The following DYNC2H1 variants were observed in gnomAD, a reference collection of about 807,000 sequenced individuals.
DYNC2H1 encodes the protein dynein cytoplasmic 2 heavy chain 1.
A neutral mutation model predicts 570.0 loss-of-function variants in DYNC2H1; 410 were observed. The ratio of observed to expected loss-of-function variants is 0.72; its 90% CI spans 0.66 to 0.78. DYNC2H1 has a LOEUF of 0.78. Ranked by LOEUF, DYNC2H1 falls within the 30% of genes least tolerant of loss-of-function variation. The pLI, the probability that DYNC2H1 is intolerant of heterozygous loss-of-function variation, is 0.00. For synonymous variants in DYNC2H1, 1,688 were observed against 1,677.6 expected, an observed-to-expected ratio of 1.01 and a Z score of -0.15; for missense variants, 4,865 against 5,046.4, an observed-to-expected ratio of 0.96 and a Z score of 1.09.
Position 103,347,779 on chromosome 11 carries a change from G to A in DYNC2H1, c.12040-10464G>A, listed in dbSNP as rs530578958. Among the ~76,000 whole-genome samples the A allele has an allele frequency of 6.6e-5, 10 of 152,110 alleles. No homozygotes were observed. In the South Asian group the frequency reaches 1.5e-3, roughly 22 times the overall value. On this transcript the variant is annotated intron_variant, in intron 82 of 88. Transcript: ENST00000375735. ...GCACTTTTCTCCAAAAAAGTCTTGCGGGGGAGGCAGCATCCCCTATTACTG... is the reference window on the plus strand; with the variant it reads ...GCACTTTTCTCCAAAAAAGTCTTGCAGGGGAGGCAGCATCCCCTATTACTG...
intron 11 of DYNC2H1, among the ~76,000 whole-genome samples, chr11:103,124,251 A>G (rs2134729658): frequency 6.6e-6 from 1 of 152,078 alleles, no homozygotes; most frequent in East Asian, 1.9e-4. Flanking sequence ...GTTTGAGACC[A>G]GCCTGAGCAA....
intron 84 of DYNC2H1, among the ~76,000 whole-genome samples, chr11:103,414,704 G>A (rs943477579): frequency 9.2e-5 from 14 of 152,196 alleles, no homozygotes; most frequent in African/African-American, 3.1e-4. Flanking sequence ...CAAAATCAGT[G>A]TGCAAAATTC....
Position 103,465,624 on chromosome 11 carries a change from G to C in DYNC2H1, c.12649-2965G>C, listed in dbSNP as rs1945173272. Among the ~76,000 whole-genome samples, 1 of 152,112 alleles carries C rather than the reference G, an allele frequency of 6.6e-6. No individual in the cohort carries two copies. Among genetic ancestry groups the C allele is most frequent in the Non-Finnish European group, 1.5e-5 (1 of 68,020 alleles). On this transcript the variant is annotated intron_variant, in intron 87 of 88. Coordinates refer to ENST00000375735, the MANE Select transcript of DYNC2H1 (RefSeq NM_001377.3). The surrounding 1 kb of genome is among the most constrained non-coding windows in gnomAD (Gnocchi z 4.9). ...CCCACTCTGCATCTGCATTCGGCTA[G>C]ATCAGTTAGAAGGGAAGGTCCATGC...
At chr11:103,184,734 T>C (rs1366303845) in intron 40 of DYNC2H1, among the ~76,000 whole-genome samples, 162 bp from the exon 41 acceptor site, 1 of 151,972 alleles carries the variant, frequency 6.6e-6, no homozygotes, top group Admixed American at 6.6e-5. Flanking sequence ...TTTCAAAGTA[T>C]ATATAAAAAT....
rs1325304956 is a variant in DYNC2H1, at chr11:103,128,895, A to T, written c.1858-15A>T. 2 of 1,536,954 alleles carry T rather than the reference A, an allele frequency of 1.3e-6. No individual in the cohort carries two copies. The highest frequency in any genetic ancestry group is 1.8e-6 in the Non-Finnish European group (2 of 1,134,842). On this transcript the variant is annotated splice_polypyrimidine_tract_variant and intron_variant, in intron 12 of 88. Transcript: ENST00000375735. ...GAAGTTATTAATTATTACTAATTGGACTTTTACTTTGTAGGTGGCACATTT... is the reference window on the plus strand; with the variant it reads ...GAAGTTATTAATTATTACTAATTGGTCTTTTACTTTGTAGGTGGCACATTT...
rs1463793123 is a variant in DYNC2H1 at position 103,154,399 on chromosome 11, G to A, written c.3303-52G>A. ...TTAAGTAACTTAATGATACTTAACA[G>A]TATCAATATTTCTGTTTTTAAAATT... On this transcript the variant is annotated intron_variant, in intron 22 of 88. Coordinates refer to ENST00000375735, the MANE Select transcript of DYNC2H1 (RefSeq NM_001377.3). 31 of 1,450,126 alleles carry A rather than the reference G, an allele frequency of 2.1e-5. 1 individual carries two copies. In the East Asian group the frequency reaches 7.8e-4, roughly 36 times the overall value. The allele number at this position is 1,450,126 out of a possible 1,614,324, so 89.8% of individuals were successfully genotyped here.
chr11:103,233,659 T>C (rs1210036053), intron 60 of DYNC2H1, among the ~76,000 whole-genome samples: 1 of 151,994 alleles, frequency 6.6e-6, no homozygotes, highest in Non-Finnish European at 1.5e-5. Flanking sequence ...ATTCTTCCGA[T>C]ATTGACATAT....
At chr11:103,329,189 T>G (rs138783716) in intron 82 of DYNC2H1, among the ~76,000 whole-genome samples, 134 of 152,036 alleles carry the variant, frequency 8.8e-4, no homozygotes, top group African/African-American at 3.2e-3. Flanking sequence ...GAAATATCTA[T>G]GATTAACACA....
intron 40 of DYNC2H1, among the ~76,000 whole-genome samples, chr11:103,182,234 TGTATATATAATATATAGGTATTTATATAC>T (rs942521203): frequency 6.6e-6 from 1 of 150,716 alleles, no homozygotes; most frequent in Non-Finnish European, 1.5e-5. Context: ...ATATGACATA[TGTATATATAATATATAGGTATTTATATAC>T]CTATATATAC....
At chr11:103,351,467 G>T (rs1940050614) in intron 82 of DYNC2H1, among the ~76,000 whole-genome samples, 1 of 152,132 alleles carries the variant, frequency 6.6e-6, no homozygotes, top group African/African-American at 2.4e-5. Context: ...TTGCAGGAAC[G>T]CATCATTTAT....
chr11:103,109,496 C>G lies in DYNC2H1; in HGVS notation c.-79C>G. The G allele has an allele frequency of 4.8e-5, 65 of 1,365,528 alleles. No homozygotes were observed. Among genetic ancestry groups the G allele is most frequent in the Non-Finnish European group, 5.7e-5 (57 of 991,684 alleles). The allele number at this position is 1,365,528 out of a possible 1,614,324, so 84.6% of individuals were successfully genotyped here. The stretch of plus-strand genomic sequence containing the variant: ...CGGGCTACGGGTTTGAGCAAAGCTC[C>G]TCTCTTCCCTTCACTTCCCTCCGGA... On this transcript the variant is annotated 5_prime_UTR_variant, in exon 1 of 89. Transcript: ENST00000375735.
At chr11:103,283,571 C>T (rs1490234384) in intron 73 of DYNC2H1, among the ~76,000 whole-genome samples, 1 of 152,122 alleles carries the variant, frequency 6.6e-6, no homozygotes, top group Non-Finnish European at 1.5e-5. Flanking sequence ...CTAGCATTTA[C>T]TGATGGCTTA....
chr11:103,394,043 A>G (rs909053633), intron 83 of DYNC2H1, among the ~76,000 whole-genome samples: 1 of 152,068 alleles, frequency 6.6e-6, no homozygotes, highest in African/African-American at 2.4e-5. Flanking sequence ...GCCAAACCAT[A>G]TCAACTCCCC....
At position 103,163,858 on chromosome 11, in the gene DYNC2H1, T is replaced by C. The variant is rs1230938844; in HGVS notation, c.4611+711T>C. On this transcript the variant is annotated intron_variant, in intron 30 of 88. Transcript: ENST00000375735. The surrounding 1 kb of genome is among the most constrained non-coding windows in gnomAD (Gnocchi z 4.6). ...TCTACCCAGCAGCTCTCAAAGTTAT[T>C]TGCTTTTCAAATAAAAAAAAATGTA... Among the ~76,000 whole-genome samples the C allele has an allele frequency of 6.6e-6, 1 of 152,196 alleles. No individual in the cohort carries two copies. The highest frequency in any genetic ancestry group is 1.9e-4 in the East Asian group (1 of 5,200).
chr11:103,377,590 T>TCTAAA (rs1202275895), intron 83 of DYNC2H1, among the ~76,000 whole-genome samples: 1 of 152,170 alleles, frequency 6.6e-6, no homozygotes, highest in East Asian at 1.9e-4. Context: ...TTTTTAAATG[T>TCTAAA]CTAAACTAAA....
At chr11:103,466,418 A>G (rs1655237903) in intron 87 of DYNC2H1, among the ~76,000 whole-genome samples, 1 of 152,190 alleles carries the variant, frequency 6.6e-6, no homozygotes, top group African/African-American at 2.4e-5. Context: ...AAAGCTGATA[A>G]ATTTGCTACC....
rs1859364963 is a variant in DYNC2H1, at chr11:103,133,246, C to G, written c.1954-309C>G. Among the ~76,000 whole-genome samples the G allele has an allele frequency of 6.6e-6, 1 of 152,034 alleles. No individual in the cohort carries two copies. Among genetic ancestry groups the G allele is most frequent in the Non-Finnish European group, 1.5e-5 (1 of 67,992 alleles). ...GGATGTATAGGAGATAATAAGGAAA[C>G]CCAGGTTTGTCGTGCCTTAATTCCT... On this transcript the variant is annotated intron_variant, in intron 13 of 88. Coordinates refer to ENST00000375735, the MANE Select transcript of DYNC2H1 (RefSeq NM_001377.3). This position sits in a 1 kb window ranked among gnomAD's most constrained non-coding sequence, Gnocchi z 4.8.
chr11:103,309,433 C>A (rs1867470272), intron 78 of DYNC2H1, among the ~76,000 whole-genome samples: 2 of 150,114 alleles, frequency 1.3e-5, no homozygotes, highest in South Asian at 4.2e-4. Flanking sequence ...TAGGCTCAAG[C>A]AATTCTCTTG....
At position 103,151,568 on chromosome 11, in the gene DYNC2H1, A is replaced by T. The variant is rs147190054; in HGVS notation, c.2947-568A>T. ...AGGCAATTCCAGCAGTTTAGCACCCATTGACCTACACCCAAACTGTTTAAC... is the reference window on the plus strand; with the variant it reads ...AGGCAATTCCAGCAGTTTAGCACCCTTTGACCTACACCCAAACTGTTTAAC... On this transcript the variant is annotated intron_variant, in intron 20 of 88. Coordinates refer to ENST00000375735, the MANE Select transcript of DYNC2H1 (RefSeq NM_001377.3). The surrounding 1 kb of genome is among the most constrained non-coding windows in gnomAD (Gnocchi z 4.6). 1.2e-4 allele frequency among the ~76,000 whole-genome samples: 19 copies of T among 152,250 alleles called. No homozygotes were observed. The highest frequency in any genetic ancestry group is 4.6e-4 in the African/African-American group (19 of 41,542).
Sources: allele counts gnomAD v4.1 joint callset (sites outside exome capture counted in the v4.1 genomes callset), GRCh38; gene constraint gnomAD v4.1.1; non-coding constraint Gnocchi (gnomAD v3.1); transcripts MANE v1.5; gene names NCBI Gene and HGNC (gene_info 2026-07-23, HGNC 2026-07-21).